Variants in FOXM1 observed in about 807,000 individuals in gnomAD.
The protein encoded by FOXM1 is forkhead box protein M1.
Under a neutral mutation model 63.6 loss-of-function variants are expected in FOXM1, and 25 were observed. The ratio of observed to expected loss-of-function variants is 0.39; its 90% CI spans 0.29 to 0.55. The LOEUF is 0.55. Among genes scored for constraint, FOXM1 ranks in the 20% least tolerant of loss-of-function variants. The pLI, the probability that FOXM1 is intolerant of heterozygous loss-of-function variation, is 0.60. For missense variants in FOXM1, 879 were observed against 958.7 expected (o/e 0.92, Z 1.10); for synonymous variants, 387 against 376.9 (o/e 1.03, Z -0.31).
Position 2,872,364 on chromosome 12 carries a change from C to A in FOXM1, c.503-117G>T. ...GTGGCTCACACCTGTAATCCTAGCACTTTGGGAGGGCGAGGCGGGTGGATC... is the reference window on the plus strand; with the variant it reads ...GTGGCTCACACCTGTAATCCTAGCAATTTGGGAGGGCGAGGCGGGTGGATC... On this transcript the variant is annotated intron_variant, in intron 2 of 8. Coordinates refer to ENST00000359843, the MANE Select transcript of FOXM1 (RefSeq NM_021953.4). This position sits in a 1 kb window ranked among gnomAD's most constrained non-coding sequence, Gnocchi z 4.0. The A allele has an allele frequency of 9.4e-7, 1 of 1,066,864 alleles. No individual in the cohort carries two copies. The allele number at this position is 1,066,864 out of a possible 1,614,324, so 66.1% of individuals were successfully genotyped here.
At chr12:2,870,593 G>A (rs968122153) in intron 3 of FOXM1, among the ~76,000 whole-genome samples, 3 of 150,756 alleles carry the variant, frequency 2.0e-5, no homozygotes, top group African/African-American at 7.3e-5. Context: ...AACCTGGGAT[G>A]CAGAGGTTTC....
chr12:2,858,643 G>T lies in FOXM1; in HGVS notation c.2287C>A (p.Gln763Lys). ...ACAGGGGCAAGGGCAGGGCTCTACT[G>T]TAGCTCAGGAATAAACTGGGACCAG... The part of the protein sequence containing the change: ...INWSQFIPEL[Q>K] The change falls in exon 9 of 9, where the codon CAG becomes AAG. Residue 763 changes from glutamine (Q) to lysine (K), a missense_variant. Coordinates refer to ENST00000359843, the MANE Select transcript of FOXM1 (RefSeq NM_021953.4). The T allele has an allele frequency of 6.2e-7, 1 of 1,613,588 alleles. No homozygotes were observed. Among genetic ancestry groups the T allele is most frequent in the Non-Finnish European group, 8.5e-7 (1 of 1,179,728 alleles).
chr12:2,874,610 T>C lies in FOXM1; in HGVS notation c.-47-85A>G, dbSNP rs376558671. 369 of 927,754 alleles carry C rather than the reference T, an allele frequency of 4.0e-4. 6 individuals carry two copies. The South Asian group carries it at 5.7e-3, about 14-fold the overall frequency. The allele number at this position is 927,754 out of a possible 1,614,324, so 57.5% of individuals were successfully genotyped here. A position where few individuals can be genotyped will look rare whatever the true frequency, so the allele number is the denominator to read the frequency against. On this transcript the variant is annotated intron_variant, in intron 1 of 8. Transcript: ENST00000359843. This position sits in a 1 kb window ranked among gnomAD's most constrained non-coding sequence, Gnocchi z 4.3. Reference sequence around the variant, plus strand: ...TTAGAGAAAGGTGCTCCTCTTTATATGACCAGGAACATGAGCCTAAAGGCC... The same window carrying C: ...TTAGAGAAAGGTGCTCCTCTTTATACGACCAGGAACATGAGCCTAAAGGCC...
Position 2,864,903 on chromosome 12 carries a change from G to T in FOXM1, c.1021-151C>A. On this transcript the variant is annotated intron_variant, in intron 6 of 8. Coordinates refer to ENST00000359843, the MANE Select transcript of FOXM1 (RefSeq NM_021953.4). The surrounding 1 kb of genome is among the most constrained non-coding windows in gnomAD (Gnocchi z 5.1). ...GGCCAACCTGAGGGGATGGACGTAG[G>T]CGAGCAGTCTCCAAAACTGTGATGA... The T allele has an allele frequency of 1.3e-6, 1 of 782,012 alleles. No individual in the cohort carries two copies. Among genetic ancestry groups the T allele is most frequent in the Non-Finnish European group, 2.2e-6 (1 of 463,332 alleles). The allele number at this position is 782,012 out of a possible 1,614,324, so 48.4% of individuals were successfully genotyped here.
rs74054768 is a variant in FOXM1, at chr12:2,868,323, A to C, written c.846+240T>G. The C allele has an allele frequency of 1.3e-3, 478 of 360,438 alleles. 4 individuals carry two copies. The highest frequency in any genetic ancestry group is 9.3e-3 in the African/African-American group (445 of 47,844). 22.3% of individuals were successfully genotyped at this position (360,438 alleles called of 1,614,324 possible). A position where few individuals can be genotyped will look rare whatever the true frequency, so the allele number is the denominator to read the frequency against. Reference sequence around the variant, plus strand: ...TGAGTGTAGCAGAAAAGTGGGCTTGAGTGCTACATTGAAGACCCTCCATGG... The same window carrying C: ...TGAGTGTAGCAGAAAAGTGGGCTTGCGTGCTACATTGAAGACCCTCCATGG... On this transcript the variant is annotated intron_variant, in intron 4 of 8. Transcript: ENST00000359843.
Position 2,858,739 on chromosome 12 carries a change from G to A in FOXM1, c.2191C>T (p.Leu731Phe). 3.1e-6 allele frequency: 5 copies of A among 1,614,234 alleles called. No individual in the cohort carries two copies. Among genetic ancestry groups the A allele is most frequent in the Non-Finnish European group, 3.4e-6 (4 of 1,180,028 alleles). ...GLVLDTMNDS[L>F]SKILLDISFP... ...CTGATGTCCAGCAGGATCTTGCTGA[G>A]GCTGTCATTCATTGTGTCCAGGACC... The change falls in exon 9 of 9, where the codon CTC becomes TTC. Residue 731 changes from leucine to phenylalanine, a missense_variant. By Grantham distance (22) the Leu-to-Phe change is conservative. Coordinates refer to ENST00000359843, the MANE Select transcript of FOXM1 (RefSeq NM_021953.4).
chr12:2,868,658 T>C lies in FOXM1; in HGVS notation c.751A>G (p.Ser251Gly). Residue 251 changes from serine (S) to glycine (G), a missense_variant, in exon 4 of 9, where the codon AGC becomes GGC. By Grantham distance (56) the Ser-to-Gly change is moderately conservative. Around this residue, in one of 4 missense-constraint regions of FOXM1, gnomAD observed 62 missense variants for 118.2 expected, o/e 0.52. Transcript: ENST00000359843. ...YMAMIQFAIN[S>G]TERKRMTLKD... Reference sequence around the variant, plus strand: ...AAAGTCATGCGCTTCCTCTCAGTGCTGTTGATGGCGAATTGTATCATGGCC... The same window carrying C: ...AAAGTCATGCGCTTCCTCTCAGTGCCGTTGATGGCGAATTGTATCATGGCC... 1 of 1,614,010 alleles carries C rather than the reference T, an allele frequency of 6.2e-7. No homozygotes were observed. Among genetic ancestry groups the C allele is most frequent in the Non-Finnish European group, 8.5e-7 (1 of 1,179,950 alleles).
At position 2,859,629 on chromosome 12, in the gene FOXM1, GAA is replaced by G; in HGVS notation, c.1299_1300del (p.Ser434PhefsTer87). 2 of 1,611,694 alleles carry G rather than the reference GAA, an allele frequency of 1.2e-6. No individual in the cohort carries two copies. Among genetic ancestry groups the G allele is most frequent in the Non-Finnish European group, 1.7e-6 (2 of 1,179,438 alleles). On this transcript the variant is annotated frameshift_variant, in exon 9 of 9. Coordinates refer to ENST00000359843, the MANE Select transcript of FOXM1 (RefSeq NM_021953.4). LOFTEE classifies it high-confidence loss of function. Reference sequence around the variant, plus strand: ...CTCCTCTTTCCCTGGTCCTGCAGAAGAAAGAGGAGCTATCCCCTCCTCAGCTA... The same window carrying G: ...CTCCTCTTTCCCTGGTCCTGCAGAAGAGAGGAGCTATCCCCTCCTCAGCTA...
chr12:2,859,375 C>T lies in FOXM1; in HGVS notation c.1555G>A (p.Gly519Arg). 1 of 1,613,912 alleles carries T rather than the reference C, an allele frequency of 6.2e-7. No individual in the cohort carries two copies. Among genetic ancestry groups the T allele is most frequent in the African/African-American group, 1.3e-5 (1 of 74,988 alleles). The change falls in exon 9 of 9, where the codon GGG (glycine) becomes AGG (arginine). Residue 519 changes from glycine to arginine, a missense_variant. By Grantham distance (125) the Gly-to-Arg change is moderately radical (BLOSUM62 -2). Transcript: ENST00000359843. ...ACACACCGGGTTGGGGACCTAAGCC[C>T]ACTGTAGGACTTCTTGGGTCTTGGG... ...PTPRPKKSYS[G>R]LRSPTRCVSE...
At position 2,870,784 on chromosome 12, in the gene FOXM1, C is replaced by T. The variant is rs112700697; in HGVS notation, c.654+1312G>A. On this transcript the variant is annotated intron_variant, in intron 3 of 8. Transcript: ENST00000359843. The stretch of plus-strand genomic sequence containing the variant: ...GACCAGCCTGGCCAACATAGTGAAA[C>T]CCCATCTCTACTAAAAATACAAAAA... Among the ~76,000 whole-genome samples the T allele has an allele frequency of 6.5e-3, 993 of 151,622 alleles. 14 individuals carry two copies. Among genetic ancestry groups the T allele is most frequent in the African/African-American group, 0.022 (903 of 41,300 alleles).
Position 2,864,672 on chromosome 12 carries a change from C to A in FOXM1, c.1090+11G>T. 6.2e-7 allele frequency: 1 copy of A among 1,613,936 alleles called. No individual in the cohort carries two copies. The highest frequency in any genetic ancestry group is 8.5e-7 in the Non-Finnish European group (1 of 1,179,798). On this transcript the variant is annotated intron_variant, in intron 7 of 8. Coordinates refer to ENST00000359843, the MANE Select transcript of FOXM1 (RefSeq NM_021953.4). This position sits in a 1 kb window ranked among gnomAD's most constrained non-coding sequence, Gnocchi z 5.1. Reference sequence around the variant, plus strand: ...AAGGACCAGGCCCAAGGCCCACTCTCCCATACTAACGTGCGCCCAGGGGGA... The same window carrying A: ...AAGGACCAGGCCCAAGGCCCACTCTACCATACTAACGTGCGCCCAGGGGGA...
In FOXM1 at chr12:2,864,661, A is replaced by C. The variant is rs748399754; in HGVS notation, c.1090+22T>G. The stretch of plus-strand genomic sequence containing the variant: ...GGCCCCAGAACAAGGACCAGGCCCA[A>C]GGCCCACTCTCCCATACTAACGTGC... On this transcript the variant is annotated intron_variant, in intron 7 of 8. Transcript: ENST00000359843. The surrounding 1 kb of genome is among the most constrained non-coding windows in gnomAD (Gnocchi z 5.1). 1.9e-6 allele frequency: 3 copies of C among 1,612,810 alleles called. No homozygotes were observed. The highest frequency in any genetic ancestry group is 2.5e-6 in the Non-Finnish European group (3 of 1,178,898).
At chr12:2,867,979 C>CA (rs60064456) in intron 4 of FOXM1, among the ~76,000 whole-genome samples, 13,807 of 67,612 alleles carry the variant, frequency 0.2, 1,257 homozygotes, top group Middle Eastern at 0.32. Flanking sequence ...GACTCTGTCT[C>CA]AAAAAAAAAA....
chr12:2,865,692 G>T (rs1603500622), intron 5 of FOXM1, among the ~76,000 whole-genome samples: 1 of 101,188 alleles, frequency 9.9e-6, no homozygotes, highest in Non-Finnish European at 1.8e-5. Context: ...CACTCTTATT[G>T]CCCAGGCTGG....
At position 2,870,613 on chromosome 12, in the gene FOXM1, A is replaced by C. The variant is rs1393294130; in HGVS notation, c.654+1483T>G. Reference sequence around the variant, plus strand: ...GGGATGCAGAGGTTTCAGTGAGCAGAGATTGTGCCACTGCACTCCAGCCTG... The same window carrying C: ...GGGATGCAGAGGTTTCAGTGAGCAGCGATTGTGCCACTGCACTCCAGCCTG... On this transcript the variant is annotated intron_variant, in intron 3 of 8. Transcript: ENST00000359843. Among the ~76,000 whole-genome samples the C allele has an allele frequency of 2.0e-5, 3 of 151,288 alleles. No individual in the cohort carries two copies. In the East Asian group the frequency reaches 5.9e-4, roughly 30 times the overall value.
chr12:2,862,509 T>C (rs1476599493), intron 8 of FOXM1, among the ~76,000 whole-genome samples: 2 of 152,190 alleles, frequency 1.3e-5, no homozygotes, highest in East Asian at 3.9e-4. Context: ...TAATTTTGTG[T>C]GTAATATGTT....
chr12:2,859,407 G>C lies in FOXM1; in HGVS notation c.1523C>G (p.Ser508Cys), dbSNP rs1236101560. Reference protein sequence around the residue: ...SSHSWEDSSQSPTPRPKKSYS... With the variant: ...SSHSWEDSSQCPTPRPKKSYS... ...GGACTTCTTGGGTCTTGGGGTGGGA[G>C]ATTGGGACGAATCCTCCCAGGAGTG... The change falls in exon 9 of 9, where the codon TCT (serine) becomes TGT (cysteine). Residue 508 changes from serine (S) to cysteine (C), a missense_variant. Coordinates refer to ENST00000359843, the MANE Select transcript of FOXM1 (RefSeq NM_021953.4). 6.2e-7 allele frequency: 1 copy of C among 1,614,094 alleles called. No homozygotes were observed. The highest frequency in any genetic ancestry group is 1.7e-5 in the Admixed American group (1 of 60,016).
Position 2,874,371 on chromosome 12 carries a change from A to G in FOXM1, c.108T>C (p.Pro36=). 1 of 1,614,148 alleles carries G rather than the reference A, an allele frequency of 6.2e-7. No homozygotes were observed. The highest frequency in any genetic ancestry group is 8.5e-7 in the Non-Finnish European group (1 of 1,180,026). The change falls in exon 2 of 9, where the codon CCT becomes CCC. Residue 36 remains proline, a synonymous_variant. Coordinates refer to ENST00000359843, the MANE Select transcript of FOXM1 (RefSeq NM_021953.4). This position sits in a 1 kb window ranked among gnomAD's most constrained non-coding sequence, Gnocchi z 4.3. Reference sequence around the variant, plus strand: ...CTGCTTGATTAGACTCCTGTTGGGCAGGGGATCTCTTAGGTTCCTCCTCTG... The same window carrying G: ...CTGCTTGATTAGACTCCTGTTGGGCGGGGGATCTCTTAGGTTCCTCCTCTG... The part of the protein sequence containing the change: ...ETSEEEPKRS[P]AQQESNQAEA...
rs759395296 is a variant in FOXM1 at position 2,859,401 on chromosome 12, G to T, written c.1529C>A (p.Thr510Asn). Residue 510 changes from threonine (T) to asparagine (N), a missense_variant, in exon 9 of 9, where the codon ACC becomes AAC. Coordinates refer to ENST00000359843, the MANE Select transcript of FOXM1 (RefSeq NM_021953.4). ...HSWEDSSQSPTPRPKKSYSGL... is the reference protein window; with the variant it reads ...HSWEDSSQSPNPRPKKSYSGL... The stretch of plus-strand genomic sequence containing the variant: ...ACTGTAGGACTTCTTGGGTCTTGGG[G>T]TGGGAGATTGGGACGAATCCTCCCA... 26 of 1,613,936 alleles carry T rather than the reference G, an allele frequency of 1.6e-5. No homozygotes were observed. Among genetic ancestry groups the T allele is most frequent in the Non-Finnish European group, 2.0e-5 (24 of 1,180,048 alleles).
Sources: gnomAD v4.1 joint callset for allele counts (sites outside exome capture counted in the v4.1 genomes callset) on GRCh38, gnomAD v4.1.1 for gene constraint, gnomAD v4.1.1 regional missense constraint, Gnocchi (gnomAD v3.1) non-coding constraint, MANE v1.5 for transcripts, NCBI Gene and HGNC (gene_info 2026-07-23, HGNC 2026-07-21) for gene names.